MCTP1: variants seen among roughly 807,000 people sequenced by gnomAD.
MCTP1 encodes multiple C2 and transmembrane domain containing 1.
Under a neutral mutation model 120.6 loss-of-function variants are expected in MCTP1, and 69 were observed. That is an observed-to-expected ratio of 0.57 (90% CI 0.47 to 0.70). The LOEUF (loss-of-function observed/expected upper bound fraction) is 0.70, where lower values mean the gene tolerates loss of function less well. MCTP1 is among the 30% of genes least tolerant of loss of function. The pLI is 0.00. For synonymous variants in MCTP1, 529 were observed against 493.1 expected (o/e 1.07, Z -0.96); for missense variants, 1,203 against 1,248.8 (o/e 0.96, Z 0.55).
chr5:95,035,818 C>T (rs1336125774), intron 1 of MCTP1, among the ~76,000 whole-genome samples: 1 of 151,910 alleles, frequency 6.6e-6, no homozygotes, highest in Non-Finnish European at 1.5e-5. Context: ...GTTCTTCCTG[C>T]TTTTTTCAAA....
intron 1 of MCTP1, among the ~76,000 whole-genome samples, chr5:95,166,689 T>TCC (rs1333963007): frequency 6.7e-6 from 1 of 148,260 alleles, no homozygotes; most frequent in Non-Finnish European, 1.5e-5. Context: ...TGCCTCACCC[T>TCC]CCCGAGTAGC....
At chr5:94,862,299 G>C (rs1795958799) in intron 17 of MCTP1, among the ~76,000 whole-genome samples, 1 of 151,688 alleles carries the variant, frequency 6.6e-6, no homozygotes, top group Non-Finnish European at 1.5e-5. Flanking sequence ...TAAAATCTAG[G>C]AGAAATACGC....
intron 9 of MCTP1, among the ~76,000 whole-genome samples, chr5:94,910,830 C>T (rs159038): frequency 0.011 from 1,607 of 140,588 alleles, 23 homozygotes; most frequent in East Asian, 0.06. Context: ...TAATATAAGC[C>T]CCATGGCAGA....
intron 1 of MCTP1, among the ~76,000 whole-genome samples, chr5:95,071,239 G>A (rs1582146465): frequency 6.6e-6 from 1 of 152,194 alleles, no homozygotes. Flanking sequence ...GAGGCAGCAC[G>A]TGCAGCCCAA....
At chr5:94,849,674 CAA>C (rs1793238684) in intron 17 of MCTP1, among the ~76,000 whole-genome samples, 1 of 151,952 alleles carries the variant, frequency 6.6e-6, no homozygotes, top group African/African-American at 2.4e-5. Context: ...GCCATGTTAA[CAA>C]AAAGAGGACC....
chr5:94,981,666 G>A (rs1829445440), intron 2 of MCTP1, among the ~76,000 whole-genome samples: 1 of 152,138 alleles, frequency 6.6e-6, no homozygotes, highest in South Asian at 2.1e-4. Flanking sequence ...CAGAGGGTTT[G>A]CTATTTTGGA....
At chr5:94,864,743 A>G (rs1796484418) in intron 17 of MCTP1, among the ~76,000 whole-genome samples, 1 of 151,964 alleles carries the variant, frequency 6.6e-6, no homozygotes, top group Non-Finnish European at 1.5e-5. Context: ...TTTGTCCTGT[A>G]AAATAATTCT....
At chr5:94,756,221 T>C (rs758219995) in intron 19 of MCTP1, among the ~76,000 whole-genome samples, 2 of 152,312 alleles carry the variant, frequency 1.3e-5, no homozygotes, top group Non-Finnish European at 1.5e-5. Context: ...AACTGAGGGA[T>C]AGAGGTAAAA....
intron 3 of MCTP1, among the ~76,000 whole-genome samples, chr5:94,943,117 G>C (rs1344316930): frequency 1.3e-5 from 2 of 152,042 alleles, no homozygotes; most frequent in African/African-American, 4.8e-5. Context: ...ATTGTACATG[G>C]AGGGTCTGGG....
intron 2 of MCTP1, among the ~76,000 whole-genome samples, chr5:94,997,558 C>A (rs1057090907): frequency 6.6e-6 from 1 of 152,092 alleles, no homozygotes; most frequent in Non-Finnish European, 1.5e-5. Context: ...TCCCCTTGTC[C>A]ACCTGTTTTT....
chr5:95,244,243 T>G (rs1397807724), intron 1 of MCTP1, among the ~76,000 whole-genome samples: 1 of 152,250 alleles, frequency 6.6e-6, no homozygotes, highest in Non-Finnish European at 1.5e-5. Flanking sequence ...TATATCGGTC[T>G]ATAGCTCCCA....
At chr5:94,832,109 C>T (rs764661215) in intron 17 of MCTP1, among the ~76,000 whole-genome samples, 4 of 152,198 alleles carry the variant, frequency 2.6e-5, no homozygotes, top group Non-Finnish European at 5.9e-5. Flanking sequence ...AAGGGCCCTA[C>T]AGTTTCTGTG....
intron 17 of MCTP1, among the ~76,000 whole-genome samples, chr5:94,825,498 G>A (rs1038962137): frequency 6.6e-6 from 1 of 152,078 alleles, no homozygotes; most frequent in Non-Finnish European, 1.5e-5. Context: ...ATGTGGTGCT[G>A]AGAAGAATGT....
At chr5:95,098,424 C>T (rs922133111) in intron 1 of MCTP1, among the ~76,000 whole-genome samples, 5 of 152,132 alleles carry the variant, frequency 3.3e-5, no homozygotes, top group African/African-American at 7.2e-5. Context: ...AATTTTTACA[C>T]AACTTATCAA....
At chr5:94,743,315 TAA>T (rs34991464) in intron 19 of MCTP1, among the ~76,000 whole-genome samples, 1 of 127,486 alleles carries the variant, frequency 7.8e-6, no homozygotes, top group Non-Finnish European at 1.7e-5. Context: ...TTCAATTCAA[TAA>T]AAAAAAAAAA....
chr5:94,850,444 G>T (rs1395636123), intron 17 of MCTP1, among the ~76,000 whole-genome samples: 1 of 152,178 alleles, frequency 6.6e-6, no homozygotes, highest in East Asian at 1.9e-4. Context: ...CTTCTGTGGT[G>T]CAAGATTGCT....
chr5:94,870,299 T>A (rs981048602), intron 16 of MCTP1, 118 bp downstream of exon 16: 3 of 609,156 alleles, frequency 4.9e-6, no homozygotes, highest in Non-Finnish European at 8.7e-6. Flanking sequence ...AATAAGTAGA[T>A]GATCAAAAAT....
rs191753364 is a variant in MCTP1, at chr5:95,074,994, T to A, written c.721-57510A>T. On this transcript the variant is annotated intron_variant, in intron 1 of 22. Transcript: ENST00000515393. ...AGCTGGCTGTATAATTTTGGAAAAG[T>A]CATTTAATTTGCCTGTGGCAGAATA... Among the ~76,000 whole-genome samples, 35 of 152,350 alleles carry A rather than the reference T, an allele frequency of 2.3e-4. 1 individual carries two copies. The East Asian group carries it at 6.6e-3, about 29-fold the overall frequency.
intron 17 of MCTP1, among the ~76,000 whole-genome samples, chr5:94,836,218 G>A (rs1789752652): frequency 6.8e-6 from 1 of 147,896 alleles, no homozygotes; most frequent in Non-Finnish European, 1.5e-5. Flanking sequence ...CAAAGAGAGA[G>A]AGTTCTTTAA....
Sources: gnomAD v4.1 joint callset for allele counts (sites outside exome capture counted in the v4.1 genomes callset) on GRCh38, gnomAD v4.1.1 for gene constraint, MANE v1.5 for transcripts, NCBI Gene and HGNC (gene_info 2026-07-23, HGNC 2026-07-21) for gene names.